The following ABHD18 variants were observed in gnomAD, a reference collection of about 807,000 sequenced individuals.
The protein encoded by ABHD18 is cardiolipin-specific deacylase, mitochondrial.
ABHD18 carries 55 observed loss-of-function variants against 65.9 expected under a neutral mutation model. The observed-to-expected ratio is 0.84, with a 90% CI of 0.67 to 1.05. The LOEUF is 1.05. Among genes scored for constraint, ABHD18 ranks in the 50% least tolerant of loss-of-function variants. ABHD18 has a pLI of 0.00. For missense variants in ABHD18, 533 were observed against 558.5 expected, an observed-to-expected ratio of 0.95 and a Z score of 0.46; for synonymous variants, 181 against 180.2, an observed-to-expected ratio of 1.00 and a Z score of -0.04.
chr4:128,004,518 T>C (rs1753259298), intron 4 of ABHD18, among the ~76,000 whole-genome samples: 1 of 152,112 alleles, frequency 6.6e-6, no homozygotes, highest in South Asian at 2.1e-4. Flanking sequence ...CTCCTATGTC[T>C]GTTCTCAAAT....
chr4:128,035,770 T>C lies in ABHD18; in HGVS notation c.1352T>C (p.Ile451Thr). 6.5e-7 allele frequency: 1 copy of C among 1,533,816 alleles called. No individual in the cohort carries two copies. Among genetic ancestry groups the C allele is most frequent in the Non-Finnish European group, 8.8e-7 (1 of 1,134,126 alleles). Reference sequence around the variant, plus strand: ...TTCATATTTAATTTTAGACAAGCCATCTATGATGCATTTGACCGCTTCCTC... The same window carrying C: ...TTCATATTTAATTTTAGACAAGCCACCTATGATGCATTTGACCGCTTCCTC... The part of the protein sequence containing the change: ...LFKQGLFRQA[I>T]YDAFDRFLHK... The change falls in exon 13 of 13, where the codon ATC becomes ACC. Residue 451 changes from isoleucine (I) to threonine (T), a missense_variant. Physicochemically the swap from Ile to Thr is moderately conservative, Grantham distance 89. This residue lies in a region of ABHD18 where 220 missense variants were observed against 226.8 expected (regional missense o/e 0.97). Coordinates refer to ENST00000645843, the MANE Select transcript of ABHD18 (RefSeq NM_001358451.3).
intron 1 of ABHD18, among the ~76,000 whole-genome samples, chr4:127,982,501 C>T (rs1327995157): frequency 6.6e-6 from 1 of 152,118 alleles, no homozygotes; most frequent in African/African-American, 2.4e-5. Context: ...GTAAATTATA[C>T]TCTCTATGCC....
At chr4:127,992,317 C>T (rs2149091874) in intron 4 of ABHD18, among the ~76,000 whole-genome samples, 1 of 152,016 alleles carries the variant, frequency 6.6e-6, no homozygotes, top group Non-Finnish European at 1.5e-5. Flanking sequence ...ACTAAAAATA[C>T]AAAAAAATTT....
chr4:128,026,210 C>A (rs1419542058), intron 10 of ABHD18, among the ~76,000 whole-genome samples: 9 of 152,022 alleles, frequency 5.9e-5, no homozygotes, highest in Admixed American at 5.2e-4. Context: ...ATTGCTTGAA[C>A]CCAGGAGGCA....
intron 8 of ABHD18, among the ~76,000 whole-genome samples, chr4:128,018,710 AACTT>A (rs1472137818): frequency 2.0e-5 from 3 of 151,998 alleles, no homozygotes; most frequent in African/African-American, 7.2e-5. Flanking sequence ...TAAGCTCAAA[AACTT>A]ACTCAAATTC....
chr4:127,970,918 T>TA (rs973933294), intron 1 of ABHD18, among the ~76,000 whole-genome samples: 1 of 151,434 alleles, frequency 6.6e-6, no homozygotes, highest in Non-Finnish European at 1.5e-5. Flanking sequence ...CTACTAAAAA[T>TA]ACAAAAATTA....
chr4:128,003,972 A>C (rs964857222), intron 4 of ABHD18, among the ~76,000 whole-genome samples: 12 of 142,918 alleles, frequency 8.4e-5, no homozygotes, highest in South Asian at 2.1e-4. Context: ...ACAAAAAAAA[A>C]CCAAACAAAC....
rs1363974605 is a variant in ABHD18 at position 127,983,054 on chromosome 4, A to C, written c.92+7A>C. On this transcript the variant is annotated splice_region_variant and intron_variant, in intron 2 of 12. Transcript: ENST00000645843. ...GGCCAGAAGATCTCAAAAGGCAAGCAATTTTTTTTCCTGAATACTTGTTCT... is the reference window on the plus strand; with the variant it reads ...GGCCAGAAGATCTCAAAAGGCAAGCCATTTTTTTTCCTGAATACTTGTTCT... 1.9e-6 allele frequency: 3 copies of C among 1,544,824 alleles called. No individual in the cohort carries two copies. The highest frequency in any genetic ancestry group is 2.6e-6 in the Non-Finnish European group (3 of 1,142,866).
intron 4 of ABHD18, among the ~76,000 whole-genome samples, chr4:127,994,420 A>G (rs1162003310): frequency 4.6e-5 from 7 of 152,070 alleles, no homozygotes; most frequent in Admixed American, 3.3e-4. Context: ...ACATAGTGAA[A>G]TCCTATCTCT....
chr4:127,988,217 G>T (rs568842189), intron 3 of ABHD18, among the ~76,000 whole-genome samples: 13 of 152,158 alleles, frequency 8.5e-5, no homozygotes, highest in African/African-American at 2.2e-4. Flanking sequence ...AAAATTTTTG[G>T]TTTTTTTGTA....
At chr4:127,978,997 A>C (rs1406318092) in intron 1 of ABHD18, among the ~76,000 whole-genome samples, 2 of 152,260 alleles carry the variant, frequency 1.3e-5, no homozygotes, top group Non-Finnish European at 2.9e-5. Flanking sequence ...AAGTTGAAAC[A>C]TCAACTTTAT....
rs556044822 is a variant in ABHD18, at chr4:127,993,990, G to A, written c.278+4169G>A. Among the ~76,000 whole-genome samples the A allele has an allele frequency of 3.6e-4, 55 of 152,286 alleles. No individual in the cohort carries two copies. The South Asian group carries it at 0.011, about 32-fold the overall frequency. ...ATGCCAAGTATAGATTAATCCACAA[G>A]GAGAAACCTATTTGTCCTATTGTCA... On this transcript the variant is annotated intron_variant, in intron 4 of 12. Transcript: ENST00000645843.
intron 3 of ABHD18, among the ~76,000 whole-genome samples, chr4:127,987,715 A>T (rs150279336): frequency 0.031 from 4,705 of 151,882 alleles, 178 homozygotes; most frequent in African/African-American, 0.084. Flanking sequence ...TCAAAAAAAA[A>T]AAATAAATAA....
chr4:128,030,770 T>C, intron 12 of ABHD18, 98 bp downstream of exon 12: 1 of 1,473,168 alleles, frequency 6.8e-7, no homozygotes, highest in East Asian at 2.6e-5. Context: ...TTTTATAGTC[T>C]GTTTCAATCT....
intron 4 of ABHD18, among the ~76,000 whole-genome samples, chr4:128,003,693 T>C (rs1265274745): frequency 6.6e-6 from 1 of 152,028 alleles, no homozygotes; most frequent in Non-Finnish European, 1.5e-5. Flanking sequence ...AATGTGTATG[T>C]ATATTTTAAT....
chr4:128,005,443 C>G (rs1299173118), intron 4 of ABHD18, among the ~76,000 whole-genome samples: 1 of 151,970 alleles, frequency 6.6e-6, no homozygotes, highest in Non-Finnish European at 1.5e-5. Flanking sequence ...AAAAGCAAAT[C>G]AACTTGTATG....
At chr4:127,977,041 A>AG (rs1387222242) in intron 1 of ABHD18, among the ~76,000 whole-genome samples, 3 of 152,114 alleles carry the variant, frequency 2.0e-5, no homozygotes, top group African/African-American at 7.2e-5. Flanking sequence ...ACTCCATCTC[A>AG]GAGAAAAAAA....
intron 4 of ABHD18, among the ~76,000 whole-genome samples, chr4:127,993,966 TG>T (rs1318337091): frequency 1.3e-5 from 2 of 152,248 alleles, no homozygotes. Context: ...TTTAAGGCTA[TG>T]CCAAGTATAG....
intron 1 of ABHD18, among the ~76,000 whole-genome samples, chr4:127,967,789 T>A (rs1745931970): frequency 6.7e-6 from 1 of 149,150 alleles, no homozygotes; most frequent in Non-Finnish European, 1.5e-5. Context: ...ATATATGTAA[T>A]TTTTTTTTAT....
Sources: gnomAD v4.1 joint callset for allele counts (sites outside exome capture counted in the v4.1 genomes callset) on GRCh38, gnomAD v4.1.1 for gene constraint, gnomAD v4.1.1 regional missense constraint, MANE v1.5 for transcripts, NCBI Gene and HGNC (gene_info 2026-07-23, HGNC 2026-07-21) for gene names.